MAP2K5: variants seen among roughly 807,000 people sequenced by gnomAD.
The protein encoded by MAP2K5 is mitogen-activated protein kinase kinase 5.
In MAP2K5, 49 loss-of-function variants were observed where a neutral mutation model predicts 83.1. The ratio of observed to expected loss-of-function variants is 0.59; its 90% confidence interval spans 0.47 to 0.75. The LOEUF is 0.75. Among genes scored for constraint, MAP2K5 ranks in the 30% least tolerant of loss-of-function variants. The probability of loss-of-function intolerance (pLI) is 0.00; values close to 1 mark genes in which losing one functional copy is unlikely to be tolerated. For missense variants in MAP2K5, 457 were observed against 557.5 expected (o/e 0.82, Z 1.82); for synonymous variants, 202 against 191.8 (o/e 1.05, Z -0.44).
At chr15:67,550,128 AT>A (rs755843834) in intron 2 of MAP2K5, 46 bp downstream of exon 2, 2 of 1,536,584 alleles carry the variant, frequency 1.3e-6, no homozygotes, top group Non-Finnish European at 1.8e-6. Context: ...TTCTGCAGTC[AT>A]TTTTTAAAGG....
intron 7 of MAP2K5, among the ~76,000 whole-genome samples, chr15:67,597,946 G>A (rs983871690): frequency 6.6e-6 from 1 of 152,146 alleles, no homozygotes; most frequent in African/African-American, 2.4e-5. Context: ...GCTCATGCTT[G>A]TAATCCTAGC....
chr15:67,557,647 A>C (rs369514957), intron 2 of MAP2K5, among the ~76,000 whole-genome samples: 1 of 152,226 alleles, frequency 6.6e-6, no homozygotes. Flanking sequence ...TGACCATTTA[A>C]AGCTAAATTG....
rs912799023 is a variant in MAP2K5, at chr15:67,613,336, GC to G, written c.545+12588del. Among the ~76,000 whole-genome samples the G allele has an allele frequency of 1.2e-4, 18 of 152,272 alleles. 1 individual carries two copies. The highest frequency in any genetic ancestry group is 9.2e-4 in the Admixed American group (14 of 15,284). On this transcript the variant is annotated intron_variant, in intron 8 of 21. Coordinates refer to ENST00000178640, the MANE Select transcript of MAP2K5 (RefSeq NM_145160.3). Reference sequence around the variant, plus strand: ...AATTCAAAAATGTATCAGAGAGTTTGCTTTTATGGAGATTAGAAGTAATAAC... The same window carrying G: ...AATTCAAAAATGTATCAGAGAGTTTGTTTTATGGAGATTAGAAGTAATAAC...
chr15:67,713,522 G>A (rs1984443), intron 16 of MAP2K5, among the ~76,000 whole-genome samples: 36,832 of 152,174 alleles, frequency 0.24, 5,389 homozygotes, highest in East Asian at 0.53. Context: ...GATCACCTGA[G>A]GTCGGGAGTT....
intron 8 of MAP2K5, chr15:67,628,050 G>A (rs2086367678): frequency 2.7e-6 from 2 of 730,732 alleles, no homozygotes; most frequent in Non-Finnish European, 4.9e-6. Flanking sequence ...TGTGGAGGCA[G>A]TGGATGCAGC....
chr15:67,585,753 G>A (rs1224890280), intron 4 of MAP2K5, 137 bp from the exon 5 acceptor site: 7 of 687,026 alleles, frequency 1.0e-5, no homozygotes, highest in Non-Finnish European at 1.8e-5. Flanking sequence ...TTCCCACTTT[G>A]GGTCTTGGGA....
At position 67,563,453 on chromosome 15, in the gene MAP2K5, T is replaced by C; in HGVS notation, c.252+103T>C. ...ACGAGTAAATAAATCACAGTTGTCA[T>C]ACATTTTTCTATATAATAGGTAAAG... On this transcript the variant is annotated intron_variant, in intron 3 of 21. Transcript: ENST00000178640. This position sits in a 1 kb window ranked among gnomAD's most constrained non-coding sequence, Gnocchi z 4.5. 1.4e-6 allele frequency: 2 copies of C among 1,408,210 alleles called. No individual in the cohort carries two copies. The highest frequency in any genetic ancestry group is 1.9e-6 in the Non-Finnish European group (2 of 1,053,604). 87.2% of individuals were successfully genotyped at this position (1,408,210 alleles called of 1,614,324 possible). A position where few individuals can be genotyped will look rare whatever the true frequency, so the allele number is the denominator to read the frequency against.
intron 16 of MAP2K5, among the ~76,000 whole-genome samples, chr15:67,710,305 T>C (rs1368316579): frequency 6.6e-6 from 1 of 152,200 alleles, no homozygotes; most frequent in Non-Finnish European, 1.5e-5. Context: ...CTTGGTTAAT[T>C]GGTGCGTCAT....
Position 67,806,728 on chromosome 15 carries a change from G to C in MAP2K5, c.1325G>C (p.Arg442Pro), listed in dbSNP as rs765534774. Reference protein sequence around the residue: ...MWVCRALEERRSQQGPP With the variant: ...MWVCRALEERPSQQGPP ...GTGTGCCGGGCGCTGGAGGAGAGGC[G>C]GAGCCAGCAGGGGCCCCCGTGAGGC... Residue 442 changes from arginine (R) to proline (P), a missense_variant, in exon 22 of 22, where the codon CGG (arginine) becomes CCG (proline). Coordinates refer to ENST00000178640, the MANE Select transcript of MAP2K5 (RefSeq NM_145160.3). The C allele has an allele frequency of 1.9e-6, 3 of 1,552,596 alleles. No homozygotes were observed. Among genetic ancestry groups the C allele is most frequent in the Non-Finnish European group, 2.6e-6 (3 of 1,149,312 alleles).
At chr15:67,742,235 A>G (rs959236303) in intron 17 of MAP2K5, among the ~76,000 whole-genome samples, 2 of 152,234 alleles carry the variant, frequency 1.3e-5, no homozygotes, top group Non-Finnish European at 2.9e-5. Context: ...AAAGAGAATC[A>G]TTGGAATCTC....
Position 67,770,028 on chromosome 15 carries a change from C to G in MAP2K5, c.1196+365C>G, listed in dbSNP as rs2090113133. Reference sequence around the variant, plus strand: ...TTTTATTAATGTAACCTCAAGTTACCCATAAAACTGTCTTGTCACTTAGTG... The same window carrying G: ...TTTTATTAATGTAACCTCAAGTTACGCATAAAACTGTCTTGTCACTTAGTG... On this transcript the variant is annotated intron_variant, in intron 20 of 21. Coordinates refer to ENST00000178640, the MANE Select transcript of MAP2K5 (RefSeq NM_145160.3). The surrounding 1 kb of genome is among the most constrained non-coding windows in gnomAD (Gnocchi z 5.0). The G allele has an allele frequency of 6.1e-6, 1 of 164,850 alleles. No homozygotes were observed. Among genetic ancestry groups the G allele is most frequent in the Non-Finnish European group, 1.3e-5 (1 of 77,130 alleles). The allele number at this position is 164,850 out of a possible 1,614,324, so 10.2% of individuals were successfully genotyped here.
chr15:67,645,494 A>C (rs1270094835), intron 9 of MAP2K5, among the ~76,000 whole-genome samples: 1 of 152,166 alleles, frequency 6.6e-6, no homozygotes, highest in African/African-American at 2.4e-5. Flanking sequence ...AATAAATAAA[A>C]TGTCATTTTT....
At chr15:67,584,498 AG>A (rs2085247526) in intron 4 of MAP2K5, among the ~76,000 whole-genome samples, 1 of 152,204 alleles carries the variant, frequency 6.6e-6, no homozygotes, top group Non-Finnish European at 1.5e-5. Context: ...TTCCATTTTA[AG>A]GAAAGAAGAT....
chr15:67,696,565 T>C (rs2088266486), intron 15 of MAP2K5, among the ~76,000 whole-genome samples: 1 of 152,224 alleles, frequency 6.6e-6, no homozygotes, highest in Non-Finnish European at 1.5e-5. Context: ...TGCTGTTAGG[T>C]ACAGTGGAAC....
intron 8 of MAP2K5, among the ~76,000 whole-genome samples, chr15:67,627,290 G>C (rs2086347752): frequency 6.6e-6 from 1 of 152,096 alleles, no homozygotes; most frequent in Non-Finnish European, 1.5e-5. Flanking sequence ...TAACCAATGA[G>C]GTTGTTATTT....
intron 11 of MAP2K5, among the ~76,000 whole-genome samples, chr15:67,653,985 G>T (rs772841172): frequency 1.3e-5 from 2 of 151,952 alleles, no homozygotes; most frequent in Non-Finnish European, 1.5e-5. Context: ...CCACATATGC[G>T]TACTTGAGAA....
chr15:67,728,585 G>A (rs958431882), intron 17 of MAP2K5, among the ~76,000 whole-genome samples: 4 of 152,130 alleles, frequency 2.6e-5, no homozygotes, highest in African/African-American at 7.2e-5. Context: ...GTTTGTGGGG[G>A]AAATAAGTGA....
rs1308590402 is a variant in MAP2K5, at chr15:67,755,619, G to A, written c.1134+7018G>A. On this transcript the variant is annotated intron_variant, in intron 19 of 21. Coordinates refer to ENST00000178640, the MANE Select transcript of MAP2K5 (RefSeq NM_145160.3). The surrounding 1 kb of genome is among the most constrained non-coding windows in gnomAD (Gnocchi z 4.7). ...CTCTTGTGAGTCCAGATGTTTGGTG[G>A]GGTAGATGATTGTCCCTATTCATAA... Among the ~76,000 whole-genome samples, 2 of 152,218 alleles carry A rather than the reference G, an allele frequency of 1.3e-5. No individual in the cohort carries two copies. The highest frequency in any genetic ancestry group is 3.9e-4 in the East Asian group (2 of 5,186).
Position 67,805,346 on chromosome 15 carries a change from G to T in MAP2K5, c.1243-1300G>T, listed in dbSNP as rs561695235. Among the ~76,000 whole-genome samples, 15 of 152,342 alleles carry T rather than the reference G, an allele frequency of 9.8e-5. No homozygotes were observed. In the South Asian group the frequency reaches 3.1e-3, roughly 32 times the overall value. On this transcript the variant is annotated intron_variant, in intron 21 of 21. Coordinates refer to ENST00000178640, the MANE Select transcript of MAP2K5 (RefSeq NM_145160.3). ...CCCCACAGTTCTGACCTGTGGTCCA[G>T]AGGGGCCATGCCGTCCCCTGCTCTA...
Sources: gnomAD v4.1 joint callset for allele counts (sites outside exome capture counted in the v4.1 genomes callset) on GRCh38, gnomAD v4.1.1 for gene constraint, Gnocchi (gnomAD v3.1) non-coding constraint, MANE v1.5 for transcripts, NCBI Gene and HGNC (gene_info 2026-07-23, HGNC 2026-07-21) for gene names.